The following ABCG4 variants were observed in gnomAD, a reference collection of about 807,000 sequenced individuals.
ABCG4 encodes the protein ATP-binding cassette sub-family G member 4.
ABCG4 carries 35 observed loss-of-function variants against 64.6 expected under a neutral mutation model. The ratio of observed to expected loss-of-function variants is 0.54; its 90% confidence interval spans 0.41 to 0.72. ABCG4 has a LOEUF of 0.72. Among genes scored for constraint, ABCG4 ranks in the 30% least tolerant of loss-of-function variants. The pLI is 0.00. For synonymous variants in ABCG4, 326 were observed against 348.2 expected (o/e 0.94, Z 0.71); for missense variants, 610 against 846.3 (o/e 0.72, Z 3.46).
At chr11:119,152,941 T>A (rs1948211597) in intron 2 of ABCG4, 1 of 152,088 alleles carries the variant, frequency 6.6e-6, no homozygotes, top group Non-Finnish European at 1.5e-5. Context: ...CTTCATAGAT[T>A]TTTTTTGTTT....
chr11:119,161,446 A>G lies in ABCG4; in HGVS notation c.*340A>G. The G allele has an allele frequency of 4.2e-6, 1 of 235,524 alleles. No homozygotes were observed. The highest frequency in any genetic ancestry group is 8.4e-6 in the Non-Finnish European group (1 of 118,690). 14.6% of individuals were successfully genotyped at this position (235,524 alleles called of 1,614,324 possible). On this transcript the variant is annotated 3_prime_UTR_variant, in exon 15 of 15. Transcript: ENST00000619701. ...CCTCTGCTGTCTGCCTGGGAGCCCT[A>G]GGCTCTCTAGGGCCCCACTTACAAC...
intron 9 of ABCG4, among the ~76,000 whole-genome samples, chr11:119,157,391 G>A (rs1948279489): frequency 1.3e-5 from 2 of 152,194 alleles, no homozygotes; most frequent in African/African-American, 4.8e-5. Flanking sequence ...CAGGGTGATT[G>A]GGAGGACTAA....
rs1948238183 is a variant in ABCG4 at position 119,154,447 on chromosome 11, C to T, written c.489+55C>T. ...AGCAACCCCCTCTGTCTGCTGTCGC[C>T]ACCTTCACCATTGGCGGAGGGTTCA... On this transcript the variant is annotated intron_variant, in intron 4 of 14. Transcript: ENST00000619701. This position sits in a 1 kb window ranked among gnomAD's most constrained non-coding sequence, Gnocchi z 7.0. 1 of 1,613,964 alleles carries T rather than the reference C, an allele frequency of 6.2e-7. No homozygotes were observed. Among genetic ancestry groups the T allele is most frequent in the Non-Finnish European group, 8.5e-7 (1 of 1,180,002 alleles).
At position 119,149,176 on chromosome 11, in the gene ABCG4, G is replaced by T. The variant is rs1421355178; in HGVS notation, c.-200G>T. 4 of 151,870 alleles carry T rather than the reference G, an allele frequency of 2.6e-5. No individual in the cohort carries two copies. In the East Asian group the frequency reaches 7.8e-4, roughly 29 times the overall value. The allele number at this position is 151,870 out of a possible 1,614,324, so 9.4% of individuals were successfully genotyped here. A position where few individuals can be genotyped will look rare whatever the true frequency, so the allele number is the denominator to read the frequency against. ...TCTCACCATCCTTGCCGTCTCCTCCGAGCCGAGGGCCGGCCCTCCTGCCTC... is the reference window on the plus strand; with the variant it reads ...TCTCACCATCCTTGCCGTCTCCTCCTAGCCGAGGGCCGGCCCTCCTGCCTC... On this transcript the variant is annotated 5_prime_UTR_variant, in exon 1 of 15. Coordinates refer to ENST00000619701, the MANE Select transcript of ABCG4 (RefSeq NM_022169.5). This position sits in a 1 kb window ranked among gnomAD's most constrained non-coding sequence, Gnocchi z 8.3.
chr11:119,158,323 C>T lies in ABCG4; in HGVS notation c.1158C>T (p.Leu386=). 1.9e-6 allele frequency: 3 copies of T among 1,614,136 alleles called. No homozygotes were observed. Among genetic ancestry groups the T allele is most frequent in the African/African-American group, 1.3e-5 (1 of 75,058 alleles). ...ILFKRTFLSI[L]RDTVLTHLRF... is the part of the protein sequence containing the mutation. ...TCAAGAGGACCTTCCTGTCCATCCT[C>T]AGGGACACGGTGAGGCGTCAGGCTG... Residue 386 remains leucine (L), a synonymous_variant, in exon 10 of 15, where the codon CTC becomes CTT. Transcript: ENST00000619701. This position sits in a 1 kb window ranked among gnomAD's most constrained non-coding sequence, Gnocchi z 4.5.
Position 119,156,189 on chromosome 11 carries a change from C to T in ABCG4, c.687-140C>T, listed in dbSNP as rs1948261088. 2.6e-6 allele frequency: 3 copies of T among 1,162,802 alleles called. No homozygotes were observed. Among genetic ancestry groups the T allele is most frequent in the South Asian group, 2.9e-5 (2 of 69,798 alleles). 72.0% of individuals were successfully genotyped at this position (1,162,802 alleles called of 1,614,324 possible). A position where few individuals can be genotyped will look rare whatever the true frequency, so the allele number is the denominator to read the frequency against. ...CTGGGTATCCCTCCAAGTGCCTGAA[C>T]CGTAAAGGATACAGATGCGGCCAGA... is the stretch of plus-strand genomic sequence containing the variant. On this transcript the variant is annotated intron_variant, in intron 6 of 14. Coordinates refer to ENST00000619701, the MANE Select transcript of ABCG4 (RefSeq NM_022169.5). This position sits in a 1 kb window ranked among gnomAD's most constrained non-coding sequence, Gnocchi z 5.5.
At position 119,155,933 on chromosome 11, in the gene ABCG4, A is replaced by G. The variant is rs7119643; in HGVS notation, c.687-396A>G. 1,351 of 218,482 alleles carry G rather than the reference A, an allele frequency of 6.2e-3. 28 individuals are homozygous for G. Among genetic ancestry groups the G allele is most frequent in the African/African-American group, 0.029 (1,263 of 43,682 alleles). 13.5% of individuals were successfully genotyped at this position (218,482 alleles called of 1,614,324 possible). ...GCTCTTACTCCTGGGCTCGCTCAGG[A>G]ACCTTCTCTGACTACCCTCCAACAC... On this transcript the variant is annotated intron_variant, in intron 6 of 14. Coordinates refer to ENST00000619701, the MANE Select transcript of ABCG4 (RefSeq NM_022169.5). This position sits in a 1 kb window ranked among gnomAD's most constrained non-coding sequence, Gnocchi z 4.5.
rs1592310890 is a variant in ABCG4, at chr11:119,161,733, T to C, written c.*627T>C. Reference sequence around the variant, plus strand: ...AGGTCACCACTCCCAATCCTGGGGATTGGAGAGGCCTGGGGCTGTGGGATG... The same window carrying C: ...AGGTCACCACTCCCAATCCTGGGGACTGGAGAGGCCTGGGGCTGTGGGATG... On this transcript the variant is annotated 3_prime_UTR_variant, in exon 15 of 15. Coordinates refer to ENST00000619701, the MANE Select transcript of ABCG4 (RefSeq NM_022169.5). 6.5e-6 allele frequency: 1 copy of C among 153,108 alleles called. No individual in the cohort carries two copies. Among genetic ancestry groups the C allele is most frequent in the Admixed American group, 6.5e-5 (1 of 15,318 alleles). 9.5% of individuals were successfully genotyped at this position (153,108 alleles called of 1,614,324 possible).
intron 2 of ABCG4, among the ~76,000 whole-genome samples, chr11:119,151,071 C>G (rs770542852): frequency 1.2e-4 from 18 of 152,194 alleles, no homozygotes; most frequent in Non-Finnish European, 1.8e-4. Flanking sequence ...AACCCTCACT[C>G]CCATGAGTGA....
In ABCG4 at chr11:119,160,703, A is replaced by G; in HGVS notation, c.1715+47A>G. Reference sequence around the variant, plus strand: ...GTTGGCCTCTGCTCCTCCCTGGAGGAGTCCATACCCAGGGCTTCCTGGGTT... The same window carrying G: ...GTTGGCCTCTGCTCCTCCCTGGAGGGGTCCATACCCAGGGCTTCCTGGGTT... On this transcript the variant is annotated intron_variant, in intron 14 of 14. Transcript: ENST00000619701. This position sits in a 1 kb window ranked among gnomAD's most constrained non-coding sequence, Gnocchi z 4.6. 6.4e-7 allele frequency: 1 copy of G among 1,566,654 alleles called. No individual in the cohort carries two copies. Among genetic ancestry groups the G allele is most frequent in the Non-Finnish European group, 8.8e-7 (1 of 1,137,678 alleles).
Position 119,160,472 on chromosome 11 carries a change from C to G in ABCG4, c.1597-66C>G. On this transcript the variant is annotated intron_variant, in intron 13 of 14. Transcript: ENST00000619701. The surrounding 1 kb of genome is among the most constrained non-coding windows in gnomAD (Gnocchi z 4.6). Reference sequence around the variant, plus strand: ...GCCTGGTGCAAGGGTTAGGGTGGAGCTCTAGGAAACCTGGGTTTGTCCTGG... The same window carrying G: ...GCCTGGTGCAAGGGTTAGGGTGGAGGTCTAGGAAACCTGGGTTTGTCCTGG... 1 of 1,607,852 alleles carries G rather than the reference C, an allele frequency of 6.2e-7. No individual in the cohort carries two copies. The highest frequency in any genetic ancestry group is 8.5e-7 in the Non-Finnish European group (1 of 1,178,028).
chr11:119,154,796 C>T lies in ABCG4; in HGVS notation c.567C>T (p.Gly189=), dbSNP rs749752428. ...ELVTEILTAL[G]LMSCSHTRTA... The stretch of plus-strand genomic sequence containing the variant: ...TGACAGAGATCCTGACGGCACTGGG[C>T]CTGATGTCGTGCTCCCACACGAGGA... The change falls in exon 6 of 15, where the codon GGC becomes GGT. Residue 189 remains glycine, a synonymous_variant. Transcript: ENST00000619701. The surrounding 1 kb of genome is among the most constrained non-coding windows in gnomAD (Gnocchi z 7.0). 27 of 1,612,888 alleles carry T rather than the reference C, an allele frequency of 1.7e-5. No individual in the cohort carries two copies. The highest frequency in any genetic ancestry group is 2.2e-5 in the East Asian group (1 of 44,854).
At position 119,154,937 on chromosome 11, in the gene ABCG4, C is replaced by T; in HGVS notation, c.686+22C>T. On this transcript the variant is annotated intron_variant, in intron 6 of 14. Transcript: ENST00000619701. This position sits in a 1 kb window ranked among gnomAD's most constrained non-coding sequence, Gnocchi z 7.0. ...CCAGGTAGTTCTCTCCACCCTTTCC[C>T]ACCAGGATACCCCTCTCCTCTCGGC... 1 of 1,593,916 alleles carries T rather than the reference C, an allele frequency of 6.3e-7. No homozygotes were observed. The highest frequency in any genetic ancestry group is 1.1e-5 in the South Asian group (1 of 89,490).
rs1033376705 is a variant in ABCG4, at chr11:119,150,883, C to G, written c.238+680C>G. Among the ~76,000 whole-genome samples the G allele has an allele frequency of 2.0e-5, 3 of 152,246 alleles. No individual in the cohort carries two copies. The highest frequency in any genetic ancestry group is 7.2e-5 in the African/African-American group (3 of 41,472). ...GAGGACAGGTTCCCCTGAACCCTGA[C>G]TAGCCCCTGCAGCCCCTACCCTGAG... On this transcript the variant is annotated intron_variant, in intron 2 of 14. Transcript: ENST00000619701. The surrounding 1 kb of genome is among the most constrained non-coding windows in gnomAD (Gnocchi z 4.3).
chr11:119,158,192 G>C lies in ABCG4; in HGVS notation c.1069-42G>C. 6.7e-7 allele frequency: 1 copy of C among 1,494,100 alleles called. No homozygotes were observed. Among genetic ancestry groups the C allele is most frequent in the Non-Finnish European group, 9.1e-7 (1 of 1,101,114 alleles). The allele number at this position is 1,494,100 out of a possible 1,614,324, so 92.6% of individuals were successfully genotyped here. A position where few individuals can be genotyped will look rare whatever the true frequency, so the allele number is the denominator to read the frequency against. On this transcript the variant is annotated intron_variant, in intron 9 of 14. Coordinates refer to ENST00000619701, the MANE Select transcript of ABCG4 (RefSeq NM_022169.5). The surrounding 1 kb of genome is among the most constrained non-coding windows in gnomAD (Gnocchi z 4.5). ...TGAGCTGGGTGTTCTGTGGGTGAAT[G>C]GGGTAGGCTCACCTGATCCCGATCC...
In ABCG4 at chr11:119,158,846, G is replaced by T; in HGVS notation, c.1354G>T (p.Val452Phe). 1.2e-6 allele frequency: 2 copies of T among 1,614,184 alleles called. No homozygotes were observed. Among genetic ancestry groups the T allele is most frequent in the Non-Finnish European group, 1.7e-6 (2 of 1,180,020 alleles). ...GTCCTCAGTCCCCTTAGAGATGGCG[G>T]TCTTCATGAGGGAGCACCTCAACTA... Reference protein sequence around the residue: ...TVLTFPLEMAVFMREHLNYWY... With the variant: ...TVLTFPLEMAFFMREHLNYWY... The change falls in exon 12 of 15, where the codon GTC becomes TTC. Residue 452 changes from valine (V) to phenylalanine (F), a missense_variant. Transcript: ENST00000619701. The surrounding 1 kb of genome is among the most constrained non-coding windows in gnomAD (Gnocchi z 4.5).
In ABCG4 at chr11:119,158,741, C is replaced by G; in HGVS notation, c.1336+16C>G. ...GTGCTCACCTGTGAGCTGAGCTGCC[C>G]TGGGCATGGGGCAAGGGTGTGGGTG... On this transcript the variant is annotated intron_variant, in intron 11 of 14. Transcript: ENST00000619701. This position sits in a 1 kb window ranked among gnomAD's most constrained non-coding sequence, Gnocchi z 4.5. 1 of 1,614,166 alleles carries G rather than the reference C, an allele frequency of 6.2e-7. No homozygotes were observed. Among genetic ancestry groups the G allele is most frequent in the Non-Finnish European group, 8.5e-7 (1 of 1,180,018 alleles).
chr11:119,153,045 A>G (rs1392011100), intron 2 of ABCG4: 1 of 152,262 alleles, frequency 6.6e-6, no homozygotes, highest in Non-Finnish European at 1.5e-5. Context: ...GGTATATAGT[A>G]GATATCAATA....
intron 2 of ABCG4, chr11:119,153,754 A>C (rs1055846731): frequency 2.3e-6 from 1 of 440,804 alleles, no homozygotes; most frequent in East Asian, 4.2e-5. Context: ...TCCCCTCTCC[A>C]CGCCCATCCA....
Sources: allele counts gnomAD v4.1 joint callset (sites outside exome capture counted in the v4.1 genomes callset), GRCh38; gene constraint gnomAD v4.1.1; non-coding constraint Gnocchi (gnomAD v3.1); transcripts MANE v1.5; gene names NCBI Gene and HGNC (gene_info 2026-07-23, HGNC 2026-07-21).